Variants in ABCA13 observed in about 807,000 individuals in gnomAD.
The protein encoded by ABCA13 is ATP binding cassette subfamily A member 13, also known as ATP-binding cassette sub-family A member 13.
In ABCA13, 476 loss-of-function variants were observed where a neutral mutation model predicts 478.7. The ratio of observed to expected loss-of-function variants is 0.99; its 90% CI spans 0.92 to 1.07. The LOEUF (loss-of-function observed/expected upper bound fraction) is 1.07. Among genes scored for constraint, ABCA13 ranks in the 50% least tolerant of loss-of-function variants. The pLI is 0.00. For synonymous variants in ABCA13, 2,252 were observed against 2,158.9 expected, an observed-to-expected ratio of 1.04 and a Z score of -1.20; for missense variants, 6,060 against 5,910.6, an observed-to-expected ratio of 1.03 and a Z score of -0.83.
chr7:48,283,981 A>G (rs1797391771), intron 19 of ABCA13, among the ~76,000 whole-genome samples: 1 of 152,166 alleles, frequency 6.6e-6, no homozygotes. Context: ...AAATAAAATG[A>G]GTCACCTCCA....
At chr7:48,231,189 T>C (rs1584332212) in intron 7 of ABCA13, among the ~76,000 whole-genome samples, 3 of 148,996 alleles carry the variant, frequency 2.0e-5, no homozygotes, top group Admixed American at 6.7e-5. Context: ...AAAGGCATAG[T>C]TCTTACTTTC....
intron 2 of ABCA13, among the ~76,000 whole-genome samples, chr7:48,196,882 C>T (rs577374273): frequency 2.2e-4 from 33 of 152,224 alleles, no homozygotes; most frequent in African/African-American, 7.2e-4. Context: ...GAGCTGGCCC[C>T]GTTCTTGTGC....
intron 44 of ABCA13, among the ~76,000 whole-genome samples, chr7:48,467,478 A>G (rs17730054): frequency 0.16 from 24,751 of 152,172 alleles, 2,500 homozygotes; most frequent in East Asian, 0.23. Flanking sequence ...CTGTACATCA[A>G]TCTGGGGTGA....
chr7:48,460,771 A>G (rs1826159961), intron 43 of ABCA13, among the ~76,000 whole-genome samples: 1 of 152,224 alleles, frequency 6.6e-6, no homozygotes, highest in Non-Finnish European at 1.5e-5. Flanking sequence ...CTTTTCTGCT[A>G]TATGCAGAAG....
intron 55 of ABCA13, among the ~76,000 whole-genome samples, chr7:48,540,668 G>T (rs1233851157): frequency 2.0e-5 from 3 of 151,926 alleles, no homozygotes; most frequent in African/African-American, 7.2e-5. Context: ...TCTCTTCTTT[G>T]AGGTTATATT....
intron 55 of ABCA13, among the ~76,000 whole-genome samples, chr7:48,574,713 C>A (rs921854680): frequency 6.6e-6 from 1 of 152,214 alleles, no homozygotes; most frequent in South Asian, 2.1e-4. Context: ...TTAGCCATCA[C>A]TTTCTCCACA....
In ABCA13 at chr7:48,474,803, A is replaced by G. The variant is rs556252980; in HGVS notation, c.12975+3204A>G. Among the ~76,000 whole-genome samples, 14 of 152,272 alleles carry G rather than the reference A, an allele frequency of 9.2e-5. No individual in the cohort carries two copies. The South Asian group carries it at 2.3e-3, about 25-fold the overall frequency. On this transcript the variant is annotated intron_variant, in intron 45 of 61. Transcript: ENST00000435803. ...TCTCTAGCCTTGATTTGATCATTCTATTATAGTAGTGGCTTTTAGTACCAC... is the reference window on the plus strand; with the variant it reads ...TCTCTAGCCTTGATTTGATCATTCTGTTATAGTAGTGGCTTTTAGTACCAC...
At chr7:48,341,769 A>T (rs1017828065) in intron 29 of ABCA13, among the ~76,000 whole-genome samples, 1 of 148,422 alleles carries the variant, frequency 6.7e-6, no homozygotes, top group Non-Finnish European at 1.5e-5. Context: ...CTTGAGATGA[A>T]TACTTAAATT....
intron 58 of ABCA13, 31 bp downstream of exon 58, chr7:48,594,844 C>T (rs1790120264): frequency 6.3e-7 from 1 of 1,582,350 alleles, no homozygotes; most frequent in South Asian, 1.1e-5. Context: ...TAGCCATTTC[C>T]TGATAAGACT....
Position 48,273,130 on chromosome 7 carries a change from C to A in ABCA13, c.3464C>A (p.Thr1155Asn). The A allele has an allele frequency of 3.1e-6, 5 of 1,613,650 alleles. No homozygotes were observed. The highest frequency in any genetic ancestry group is 4.2e-6 in the Non-Finnish European group (5 of 1,179,752). Residue 1155 changes from threonine (T) to asparagine (N), a missense_variant, in exon 17 of 62, where the codon ACT (threonine) becomes AAT (asparagine). Physicochemically the swap from Thr to Asn is moderately conservative, Grantham distance 65. This residue lies in a region of ABCA13 where 4,423 missense variants were observed against 4,309.1 expected (regional missense o/e 1.03). Coordinates refer to ENST00000435803, the MANE Select transcript of ABCA13 (RefSeq NM_152701.5). ...ACCGTTTCATGGCTTCAAATGTGGA[C>A]TGAAATCTGGGAAACCATATCTCAA... ...HCTVSWLQMW[T>N]EIWETISQLF...
At chr7:48,337,501 A>G (rs940485868) in intron 28 of ABCA13, among the ~76,000 whole-genome samples, 21 of 152,268 alleles carry the variant, frequency 1.4e-4, no homozygotes, top group African/African-American at 5.1e-4. Flanking sequence ...TGTGAGAAAT[A>G]AAAGAGCTAA....
At chr7:48,411,695 T>A (rs1819268792) in intron 40 of ABCA13, among the ~76,000 whole-genome samples, 1 of 152,154 alleles carries the variant, frequency 6.6e-6, no homozygotes, top group Non-Finnish European at 1.5e-5. Context: ...ATAGAGCAAG[T>A]GGAGTCTGGC....
chr7:48,279,312 A>G lies in ABCA13; in HGVS notation c.8118A>G (p.Gln2706=). 2.5e-6 allele frequency: 4 copies of G among 1,587,566 alleles called. No homozygotes were observed. ...PNPISTHSGP[Q]DIKWEIIHEV... ...CAATTTCCACTCATAGTGGCCCTCA[A>G]GATATAAAATGGGAAATAATTCATG... is the stretch of plus-strand genomic sequence containing the variant. The change falls in exon 18 of 62, where the codon CAA becomes CAG. Residue 2706 remains glutamine, a synonymous_variant. Coordinates refer to ENST00000435803, the MANE Select transcript of ABCA13 (RefSeq NM_152701.5).
In ABCA13 at chr7:48,313,236, G is replaced by C. The variant is rs1217863024; in HGVS notation, c.9681+5G>C. The C allele has an allele frequency of 1.2e-6, 2 of 1,604,694 alleles. No individual in the cohort carries two copies. Among genetic ancestry groups the C allele is most frequent in the Admixed American group, 1.7e-5 (1 of 58,528 alleles). The stretch of plus-strand genomic sequence containing the variant: ...GAAACCCTGGACTTTCAACAGGTGT[G>C]TGTTTCATCTTTGTCCCTAGGGAAA... On this transcript the variant is annotated splice_donor_5th_base_variant and intron_variant, in intron 25 of 61. Transcript: ENST00000435803.
intron 55 of ABCA13, among the ~76,000 whole-genome samples, chr7:48,560,248 T>C (rs777848636): frequency 2.0e-5 from 3 of 152,142 alleles, no homozygotes; most frequent in Non-Finnish European, 2.9e-5. Flanking sequence ...GCTACCTCCA[T>C]GTGTGGGCAC....
intron 55 of ABCA13, among the ~76,000 whole-genome samples, chr7:48,544,973 TG>T: frequency 6.6e-6 from 1 of 152,052 alleles, no homozygotes; most frequent in South Asian, 2.1e-4. Flanking sequence ...TGATTGTTGG[TG>T]GGGAGAAATC....
intron 59 of ABCA13, among the ~76,000 whole-genome samples, chr7:48,632,500 A>C (rs1794250833): frequency 6.6e-6 from 1 of 152,172 alleles, no homozygotes; most frequent in Non-Finnish European, 1.5e-5. Flanking sequence ...ATCCGAGGTC[A>C]TGAAGATTTA....
At chr7:48,581,604 T>A (rs1451819357) in intron 56 of ABCA13, among the ~76,000 whole-genome samples, 1 of 152,252 alleles carries the variant, frequency 6.6e-6, no homozygotes, top group Non-Finnish European at 1.5e-5. Flanking sequence ...GAGGGAAACA[T>A]GCTTATGAAA....
At chr7:48,640,301 T>G (rs538301842) in intron 59 of ABCA13, among the ~76,000 whole-genome samples, 2 of 152,208 alleles carry the variant, frequency 1.3e-5, no homozygotes, top group African/African-American at 2.4e-5. Context: ...ACTTGACAAG[T>G]GATTTTTCAG....
Sources: allele counts gnomAD v4.1 joint callset (sites outside exome capture counted in the v4.1 genomes callset), GRCh38; gene constraint gnomAD v4.1.1; regional missense constraint gnomAD v4.1.1; transcripts MANE v1.5; gene names NCBI Gene and HGNC (gene_info 2026-07-23, HGNC 2026-07-21).